The following RASGRF2 variants were observed in gnomAD, a reference collection of about 807,000 sequenced individuals.
RASGRF2 encodes Ras protein specific guanine nucleotide releasing factor 2, also known as ras-specific guanine nucleotide-releasing factor 2.
A neutral mutation model predicts 151.0 loss-of-function variants in RASGRF2; 76 were observed. That is an observed-to-expected ratio of 0.50 (90% CI 0.42 to 0.61). The LOEUF is 0.61. Ranked by LOEUF, RASGRF2 falls within the 20% of genes least tolerant of loss-of-function variation. The probability of loss-of-function intolerance (pLI) is 0.00; values close to 1 mark genes in which losing one functional copy is unlikely to be tolerated. For missense variants in RASGRF2, 1,148 were observed against 1,564.6 expected (o/e 0.73, Z 4.49); for synonymous variants, 504 against 566.5 (o/e 0.89, Z 1.57).
In RASGRF2 at chr5:81,054,909, A is replaced by G. The variant is rs1751144183; in HGVS notation, c.395+11926A>G. 2.0e-5 allele frequency among the ~76,000 whole-genome samples: 3 copies of G among 152,096 alleles called. No individual in the cohort carries two copies. The South Asian group carries it at 6.2e-4, about 32-fold the overall frequency. On this transcript the variant is annotated intron_variant, in intron 2 of 26. Coordinates refer to ENST00000265080, the MANE Select transcript of RASGRF2 (RefSeq NM_006909.3). ...AGCAATTGTGAATGGGAGTTCACTCATGATTTGGCTCTCTGTTTGCTTGTT... is the reference window on the plus strand; with the variant it reads ...AGCAATTGTGAATGGGAGTTCACTCGTGATTTGGCTCTCTGTTTGCTTGTT...
intron 25 of RASGRF2, among the ~76,000 whole-genome samples, chr5:81,219,475 G>T (rs909889579): frequency 6.6e-6 from 1 of 151,762 alleles, no homozygotes; most frequent in Non-Finnish European, 1.5e-5. Flanking sequence ...GCCACATATT[G>T]CCAGCTGTTC....
In RASGRF2 at chr5:81,113,519, CT is replaced by C. The variant is rs775129015; in HGVS notation, c.2088-15del. 1.7e-5 allele frequency: 27 copies of C among 1,589,132 alleles called. No individual in the cohort carries two copies. The highest frequency in any genetic ancestry group is 1.7e-4 in the Middle Eastern group (1 of 5,998). On this transcript the variant is annotated intron_variant, in intron 14 of 26. Transcript: ENST00000265080. ...TCACTTGGCTACAATCTCTTAGCCA[CT>C]TTTGCTCTCATTTTTAGGTCATTGG...
At position 81,200,919 on chromosome 5, in the gene RASGRF2, G is replaced by A. The variant is rs62364987; in HGVS notation, c.2794-411G>A. ...AACTGAAGGCATTTGTTAAGTCTAG[G>A]ACAGTGTGAGTGTGTTGGGGGCGTG... On this transcript the variant is annotated intron_variant, in intron 18 of 26. Coordinates refer to ENST00000265080, the MANE Select transcript of RASGRF2 (RefSeq NM_006909.3). 3.9e-3 allele frequency among the ~76,000 whole-genome samples: 595 copies of A among 152,258 alleles called. 4 individuals are homozygous for A. The highest frequency in any genetic ancestry group is 6.6e-3 in the Non-Finnish European group (448 of 68,008).
chr5:81,110,831 A>G (rs1210670337), intron 13 of RASGRF2, among the ~76,000 whole-genome samples: 1 of 152,208 alleles, frequency 6.6e-6, no homozygotes, highest in Non-Finnish European at 1.5e-5. Context: ...TGGTTGAGGG[A>G]CACATAGTGA....
rs572643943 is a variant in RASGRF2 at position 80,967,465 on chromosome 5, A to G, written c.288+6439A>G. Among the ~76,000 whole-genome samples the G allele has an allele frequency of 3.3e-5, 5 of 152,324 alleles. No homozygotes were observed. The South Asian group carries it at 1.0e-3, about 32-fold the overall frequency. ...TTAGTGCTTAATTAAAAAAAAATTC[A>G]GGTCACAATATCTGTTTTTAGCTCT... On this transcript the variant is annotated intron_variant, in intron 1 of 26. Transcript: ENST00000265080.
At chr5:81,095,482 G>A (rs1580308404) in intron 12 of RASGRF2, among the ~76,000 whole-genome samples, 1 of 152,042 alleles carries the variant, frequency 6.6e-6, no homozygotes, top group Non-Finnish European at 1.5e-5. Context: ...AAAAATTAGG[G>A]ACAGAATTTT....
chr5:80,991,486 T>C (rs1177378877), intron 1 of RASGRF2, among the ~76,000 whole-genome samples: 3 of 152,186 alleles, frequency 2.0e-5, no homozygotes, highest in Admixed American at 1.3e-4. Context: ...GCTAACAAGG[T>C]CCAGGAAGAC....
intron 17 of RASGRF2, among the ~76,000 whole-genome samples, chr5:81,173,964 G>T (rs908324182): frequency 1.3e-5 from 2 of 152,136 alleles, no homozygotes; most frequent in African/African-American, 2.4e-5. Context: ...ATTGAATTGT[G>T]GATAGAAGGA....
At chr5:81,008,757 T>C (rs972810048) in intron 1 of RASGRF2, among the ~76,000 whole-genome samples, 4 of 152,138 alleles carry the variant, frequency 2.6e-5, no homozygotes, top group Non-Finnish European at 4.4e-5. Context: ...ATATTAGAAA[T>C]GAGAACAGAA....
chr5:81,013,035 C>T (rs969567394), intron 1 of RASGRF2, among the ~76,000 whole-genome samples: 1 of 152,118 alleles, frequency 6.6e-6, no homozygotes, highest in African/African-American at 2.4e-5. Context: ...CATATAGGAG[C>T]AGGCCCCAAA....
chr5:81,220,030 T>C (rs981899088), intron 26 of RASGRF2, among the ~76,000 whole-genome samples: 2 of 152,124 alleles, frequency 1.3e-5, no homozygotes, highest in Non-Finnish European at 2.9e-5. Context: ...CCAGAACCCT[T>C]GGTCCAAGCT....
At chr5:81,036,509 T>G (rs1024909807) in intron 1 of RASGRF2, among the ~76,000 whole-genome samples, 2 of 152,208 alleles carry the variant, frequency 1.3e-5, no homozygotes, top group African/African-American at 4.8e-5. Flanking sequence ...GTTTTCTTCC[T>G]GGAATTAATA....
intron 2 of RASGRF2, among the ~76,000 whole-genome samples, chr5:81,049,239 C>A (rs1354600530): frequency 6.6e-6 from 1 of 151,516 alleles, no homozygotes; most frequent in Non-Finnish European, 1.5e-5. Context: ...CCTTTATTCC[C>A]CAAGCCCATT....
intron 17 of RASGRF2, among the ~76,000 whole-genome samples, chr5:81,138,913 A>G (rs1315376645): frequency 6.6e-6 from 1 of 152,142 alleles, no homozygotes; most frequent in African/African-American, 2.4e-5. Flanking sequence ...TTTATGTGTC[A>G]GAGCTGAAAC....
chr5:81,031,832 T>A lies in RASGRF2; in HGVS notation c.289-11045T>A, dbSNP rs560040317. On this transcript the variant is annotated intron_variant, in intron 1 of 26. Coordinates refer to ENST00000265080, the MANE Select transcript of RASGRF2 (RefSeq NM_006909.3). ...AACTGAAGGAGATAGAGACATAAAA[T>A]ACCCTTCAAAAAATCAATGAATCCA... Among the ~76,000 whole-genome samples, 328 of 151,846 alleles carry A rather than the reference T, an allele frequency of 2.2e-3. 1 individual carries two copies. Among genetic ancestry groups the A allele is most frequent in the African/African-American group, 5.2e-3 (216 of 41,442 alleles).
At chr5:81,065,544 TA>T (rs1751576821) in intron 2 of RASGRF2, among the ~76,000 whole-genome samples, 1 of 152,204 alleles carries the variant, frequency 6.6e-6, no homozygotes, top group Non-Finnish European at 1.5e-5. Context: ...CTGTGCCTTT[TA>T]TTTCTTATTT....
chr5:81,160,802 T>C (rs1266697155), intron 17 of RASGRF2, among the ~76,000 whole-genome samples: 7 of 150,816 alleles, frequency 4.6e-5, no homozygotes, highest in Non-Finnish European at 7.4e-5. Flanking sequence ...GGCCAGGTGG[T>C]TGAGGCTCCT....
intron 17 of RASGRF2, among the ~76,000 whole-genome samples, chr5:81,134,098 G>GTGTGTGTGTGTT (rs1753694496): frequency 6.6e-6 from 1 of 151,552 alleles, no homozygotes; most frequent in Non-Finnish European, 1.5e-5. Context: ...GTGTGTGTGT[G>GTGTGTGTGTGTT]TGTGTGTGTG....
At position 81,011,633 on chromosome 5, in the gene RASGRF2, C is replaced by T. The variant is rs371905039; in HGVS notation, c.289-31244C>T. 8.6e-5 allele frequency among the ~76,000 whole-genome samples: 13 copies of T among 152,028 alleles called. No individual in the cohort carries two copies. The South Asian group carries it at 2.7e-3, about 32-fold the overall frequency. Reference sequence around the variant, plus strand: ...GCACATGCCTGTAATCCCAGCTACTCGGGAGACTGAGGCAGGAGAATTGCT... The same window carrying T: ...GCACATGCCTGTAATCCCAGCTACTTGGGAGACTGAGGCAGGAGAATTGCT... On this transcript the variant is annotated intron_variant, in intron 1 of 26. Transcript: ENST00000265080.
Sources: allele counts gnomAD v4.1 joint callset (sites outside exome capture counted in the v4.1 genomes callset), GRCh38; gene constraint gnomAD v4.1.1; transcripts MANE v1.5; gene names NCBI Gene and HGNC (gene_info 2026-07-23, HGNC 2026-07-21).